ZNF804B: variants seen among roughly 807,000 people sequenced by gnomAD.
The protein encoded by ZNF804B is zinc finger 804B.
ZNF804B carries 80 observed loss-of-function variants against 101.4 expected under a neutral mutation model. That is an observed-to-expected ratio of 0.79 (90% CI 0.66 to 0.95). ZNF804B has a LOEUF of 0.95. Among genes scored for constraint, ZNF804B ranks in the 40% least tolerant of loss-of-function variants. The probability of loss-of-function intolerance (pLI) is 0.00; values close to 1 mark genes in which losing one functional copy is unlikely to be tolerated. For synonymous variants in ZNF804B, 622 were observed against 558.8 expected, an observed-to-expected ratio of 1.11 and a Z score of -1.59; for missense variants, 1,673 against 1,561.9, an observed-to-expected ratio of 1.07 and a Z score of -1.20.
intron 1 of ZNF804B, among the ~76,000 whole-genome samples, chr7:88,800,418 T>C (rs766568028): frequency 1.3e-5 from 2 of 152,114 alleles, no homozygotes; most frequent in Non-Finnish European, 2.9e-5. Context: ...ATTACAACAT[T>C]TCACATAGTT....
At chr7:89,260,854 G>C (rs59083688) in intron 2 of ZNF804B, among the ~76,000 whole-genome samples, 3 of 152,194 alleles carry the variant, frequency 2.0e-5, no homozygotes, top group South Asian at 2.1e-4. Context: ...TTCTTGCAAT[G>C]TCATGAGTTT....
chr7:88,796,389 C>A (rs1423179911), intron 1 of ZNF804B, among the ~76,000 whole-genome samples: 1 of 152,050 alleles, frequency 6.6e-6, no homozygotes, highest in African/African-American at 2.4e-5. Flanking sequence ...TAAAAATGGA[C>A]TATTCTTCCT....
intron 1 of ZNF804B, among the ~76,000 whole-genome samples, chr7:88,981,789 C>G (rs28462293): frequency 0.12 from 18,685 of 151,840 alleles, 1,707 homozygotes; most frequent in East Asian, 0.27. Flanking sequence ...TGCAAAGTCC[C>G]AAGATCACTG....
intron 1 of ZNF804B, among the ~76,000 whole-genome samples, chr7:88,797,496 T>A (rs1202382603): frequency 6.6e-6 from 1 of 152,084 alleles, no homozygotes; most frequent in Admixed American, 6.6e-5. Context: ...ACATCCAGAG[T>A]GACTTCTGGT....
intron 2 of ZNF804B, among the ~76,000 whole-genome samples, chr7:89,276,763 A>G (rs1252189497): frequency 6.6e-6 from 1 of 151,892 alleles, no homozygotes; most frequent in Non-Finnish European, 1.5e-5. Context: ...ATTTCCTAGC[A>G]TTAAAATGTT....
chr7:89,336,423 C>G lies in ZNF804B; in HGVS notation c.3441C>G (p.Pro1147=), dbSNP rs578206387. The change falls in exon 4 of 4, where the codon CCC becomes CCG. Residue 1147 remains proline, a synonymous_variant. Transcript: ENST00000333190. The part of the protein sequence containing the change: ...KSISPPLIQQ[P]ITFSPDEIDK... The stretch of plus-strand genomic sequence containing the variant: ...TCTCTCCCCCTTTAATTCAACAGCC[C>G]ATAACATTTTCTCCTGACGAAATAG... 5.6e-6 allele frequency: 9 copies of G among 1,614,060 alleles called. No homozygotes were observed. In the Admixed American group the frequency reaches 1.2e-4, roughly 21 times the overall value.
chr7:89,293,721 G>A (rs1012346556), intron 2 of ZNF804B, among the ~76,000 whole-genome samples: 5 of 151,828 alleles, frequency 3.3e-5, no homozygotes, highest in Admixed American at 2.0e-4. Flanking sequence ...CCCAGGAGGC[G>A]GAGCTTGCAG....
intron 1 of ZNF804B, among the ~76,000 whole-genome samples, chr7:89,141,357 G>T (rs1199335706): frequency 6.6e-6 from 1 of 152,052 alleles, no homozygotes; most frequent in Non-Finnish European, 1.5e-5. Flanking sequence ...TATTCCATTT[G>T]TTAAAAAAGA....
At chr7:89,137,745 A>G (rs1398117215) in intron 1 of ZNF804B, among the ~76,000 whole-genome samples, 1 of 152,176 alleles carries the variant, frequency 6.6e-6, no homozygotes, top group East Asian at 1.9e-4. Context: ...GGCTGCAGAA[A>G]TGAGCATAAA....
At chr7:88,866,588 C>A (rs1047726888) in intron 1 of ZNF804B, among the ~76,000 whole-genome samples, 1 of 152,148 alleles carries the variant, frequency 6.6e-6, no homozygotes, top group Non-Finnish European at 1.5e-5. Context: ...AACAAAAACC[C>A]TGACTTGTGA....
intron 1 of ZNF804B, among the ~76,000 whole-genome samples, chr7:89,130,488 C>T (rs1790531085): frequency 6.6e-6 from 1 of 151,954 alleles, no homozygotes; most frequent in Admixed American, 6.6e-5. Flanking sequence ...GCCTATGATG[C>T]AACTGACAAC....
At chr7:89,074,959 C>T in intron 1 of ZNF804B, among the ~76,000 whole-genome samples, 1 of 152,202 alleles carries the variant, frequency 6.6e-6, no homozygotes, top group South Asian at 2.1e-4. Flanking sequence ...TTTGCCCATG[C>T]CCTAGAGATT....
chr7:89,026,882 GA>G (rs1788760523), intron 1 of ZNF804B, among the ~76,000 whole-genome samples: 1 of 151,958 alleles, frequency 6.6e-6, no homozygotes, highest in Non-Finnish European at 1.5e-5. Context: ...TGGCTCTTAG[GA>G]AAAAAGTCTG....
intron 2 of ZNF804B, among the ~76,000 whole-genome samples, chr7:89,274,261 T>C (rs1584097252): frequency 6.9e-6 from 1 of 145,064 alleles, no homozygotes; most frequent in East Asian, 2.0e-4. Flanking sequence ...CTGCACCCAC[T>C]AACTCGTCAT....
At chr7:89,093,784 G>A (rs563460014) in intron 1 of ZNF804B, among the ~76,000 whole-genome samples, 2 of 152,332 alleles carry the variant, frequency 1.3e-5, no homozygotes, top group Non-Finnish European at 2.9e-5. Flanking sequence ...AACAGGTATA[G>A]AAAGGTCCAA....
In ZNF804B at chr7:89,259,463, A is replaced by C. The variant is rs1221563897; in HGVS notation, c.249+41168A>C. Among the ~76,000 whole-genome samples the C allele has an allele frequency of 3.9e-5, 6 of 152,242 alleles. No homozygotes were observed. The East Asian group carries it at 9.6e-4, about 24-fold the overall frequency. Reference sequence around the variant, plus strand: ...TATTGTTTCAGACTTGATGACTTTCACAGCTTTTTCTATAACAATGATGGC... The same window carrying C: ...TATTGTTTCAGACTTGATGACTTTCCCAGCTTTTTCTATAACAATGATGGC... On this transcript the variant is annotated intron_variant, in intron 2 of 3. Transcript: ENST00000333190.
intron 1 of ZNF804B, among the ~76,000 whole-genome samples, chr7:89,018,752 C>CTTT (rs767523041): frequency 5.3e-5 from 8 of 151,938 alleles, no homozygotes; most frequent in Non-Finnish European, 1.0e-4. Context: ...CAGAAATTTA[C>CTTT]TTTTTCTCTA....
chr7:89,285,522 C>CAAAAAAAA (rs778078214), intron 2 of ZNF804B, among the ~76,000 whole-genome samples: 807 of 22,306 alleles, frequency 0.036, 130 homozygotes, highest in Non-Finnish European at 0.045. Context: ...GACTCTGTCT[C>CAAAAAAAA]AAAAAAAAAA....
chr7:88,791,860 A>G (rs1041117012), intron 1 of ZNF804B, among the ~76,000 whole-genome samples: 3 of 152,130 alleles, frequency 2.0e-5, no homozygotes, highest in Non-Finnish European at 4.4e-5. Flanking sequence ...TAATGTTCAC[A>G]GAACTCTGAT....
Sources: allele counts gnomAD v4.1 joint callset (sites outside exome capture counted in the v4.1 genomes callset), GRCh38; gene constraint gnomAD v4.1.1; transcripts MANE v1.5; gene names NCBI Gene and HGNC (gene_info 2026-07-23, HGNC 2026-07-21).